ZMAT4: variants seen among roughly 807,000 people sequenced by gnomAD.
The protein encoded by ZMAT4 is zinc finger matrin-type 4.
ZMAT4 carries 17 observed loss-of-function variants against 28.7 expected under a neutral mutation model. That is an observed-to-expected ratio of 0.59 (90% confidence interval 0.41 to 0.89). The LOEUF (loss-of-function observed/expected upper bound fraction) is 0.89, where lower values mean the gene tolerates loss of function less well. Ranked by LOEUF, ZMAT4 falls within the 40% of genes least tolerant of loss-of-function variation. The pLI is 0.00. For missense variants in ZMAT4, 240 were observed against 283.8 expected (o/e 0.85, Z 1.11); for synonymous variants, 117 against 109.2 (o/e 1.07, Z -0.44).
chr8:40,609,138 C>G (rs1226543930), intron 5 of ZMAT4, among the ~76,000 whole-genome samples: 1 of 152,102 alleles, frequency 6.6e-6, no homozygotes, highest in Non-Finnish European at 1.5e-5. Context: ...CATTGCAGAC[C>G]ATACTTTAGC....
chr8:40,591,296 T>A (rs533624213), intron 5 of ZMAT4, among the ~76,000 whole-genome samples: 61 of 152,286 alleles, frequency 4.0e-4, no homozygotes, highest in African/African-American at 1.4e-3. Context: ...TGTGGAATCA[T>A]TGCTAATCTG....
intron 4 of ZMAT4, among the ~76,000 whole-genome samples, chr8:40,680,226 C>G (rs556007950): frequency 1.3e-5 from 2 of 152,096 alleles, no homozygotes; most frequent in Non-Finnish European, 2.9e-5. Flanking sequence ...AACAGGAAAC[C>G]TTTTACTCTG....
chr8:40,723,276 C>T (rs528601982), intron 3 of ZMAT4, among the ~76,000 whole-genome samples: 1 of 152,134 alleles, frequency 6.6e-6, no homozygotes, highest in East Asian at 1.9e-4. Flanking sequence ...GGCACGGTGG[C>T]TCACGCCTGT....
intron 3 of ZMAT4, among the ~76,000 whole-genome samples, chr8:40,707,300 G>A (rs1189331393): frequency 1.4e-5 from 2 of 143,014 alleles, no homozygotes; most frequent in African/African-American, 5.2e-5. Context: ...GGGCTGAAAA[G>A]GTGTCATCTC....
At chr8:40,600,520 C>T (rs550194411) in intron 5 of ZMAT4, among the ~76,000 whole-genome samples, 32 of 152,320 alleles carry the variant, frequency 2.1e-4, no homozygotes, top group African/African-American at 7.2e-4. Flanking sequence ...ACCACATGCT[C>T]AGCCTCGCCT....
At chr8:40,827,402 G>A (rs562380772) in intron 1 of ZMAT4, among the ~76,000 whole-genome samples, 1 of 152,276 alleles carries the variant, frequency 6.6e-6, no homozygotes, top group Non-Finnish European at 1.5e-5. Flanking sequence ...CCTGAACAAT[G>A]CAACAGTGAA....
At chr8:40,864,459 A>T (rs1817608004) in intron 1 of ZMAT4, among the ~76,000 whole-genome samples, 1 of 152,184 alleles carries the variant, frequency 6.6e-6, no homozygotes, top group Non-Finnish European at 1.5e-5. Context: ...AGGATGGCAC[A>T]CCTCAGGTCC....
chr8:40,707,323 C>G (rs1810405326), intron 3 of ZMAT4, among the ~76,000 whole-genome samples: 2 of 151,072 alleles, frequency 1.3e-5, no homozygotes, highest in South Asian at 4.2e-4. Context: ...ACCCCCAGCA[C>G]AGTGTTTTAT....
intron 4 of ZMAT4, among the ~76,000 whole-genome samples, chr8:40,683,111 G>A (rs1292767354): frequency 6.6e-6 from 1 of 152,142 alleles, no homozygotes; most frequent in Non-Finnish European, 1.5e-5. Flanking sequence ...CATAATAGGT[G>A]TTAAATAAAC....
intron 5 of ZMAT4, among the ~76,000 whole-genome samples, chr8:40,586,564 T>C (rs1375306600): frequency 6.6e-6 from 1 of 152,184 alleles, no homozygotes; most frequent in African/African-American, 2.4e-5. Flanking sequence ...AAAAGCTCCT[T>C]GAAGATGCAT....
chr8:40,836,182 T>C (rs1816482970), intron 1 of ZMAT4, among the ~76,000 whole-genome samples: 1 of 152,190 alleles, frequency 6.6e-6, no homozygotes, highest in Admixed American at 6.5e-5. Context: ...GGTTTGGGAA[T>C]TCAGCCACCA....
chr8:40,887,600 A>G (rs1422682850), intron 1 of ZMAT4, among the ~76,000 whole-genome samples: 3 of 152,092 alleles, frequency 2.0e-5, no homozygotes, highest in Admixed American at 2.0e-4. Flanking sequence ...TGTGTTTCCC[A>G]AAGCATGGTA....
chr8:40,549,054 G>C (rs1205129736), intron 6 of ZMAT4, among the ~76,000 whole-genome samples: 1 of 152,002 alleles, frequency 6.6e-6, no homozygotes, highest in Non-Finnish European at 1.5e-5. Flanking sequence ...GAGGTCATGA[G>C]GCCTCCACCC....
intron 4 of ZMAT4, among the ~76,000 whole-genome samples, chr8:40,681,439 GT>G (rs1325283142): frequency 6.6e-6 from 1 of 152,088 alleles, no homozygotes; most frequent in Non-Finnish European, 1.5e-5. Flanking sequence ...AAATATCACT[GT>G]TTTTTTGCAA....
At chr8:40,884,892 G>A (rs1040697565) in intron 1 of ZMAT4, 1 of 152,196 alleles carries the variant, frequency 6.6e-6, no homozygotes, top group Non-Finnish European at 1.5e-5. Context: ...CAGCAGCAAT[G>A]CTGAGTAGCT....
At chr8:40,693,397 T>C (rs1211446915) in intron 4 of ZMAT4, among the ~76,000 whole-genome samples, 1 of 152,204 alleles carries the variant, frequency 6.6e-6, no homozygotes, top group Admixed American at 6.6e-5. Flanking sequence ...ATTACAGGTA[T>C]GAGCCTGCTC....
At chr8:40,850,220 C>T (rs1817051304) in intron 1 of ZMAT4, among the ~76,000 whole-genome samples, 1 of 152,086 alleles carries the variant, frequency 6.6e-6, no homozygotes, top group Non-Finnish European at 1.5e-5. Flanking sequence ...CCTGGAAATG[C>T]TACCTAGGCA....
At chr8:40,751,307 G>A (rs553018098) in intron 3 of ZMAT4, among the ~76,000 whole-genome samples, 1 of 152,266 alleles carries the variant, frequency 6.6e-6, no homozygotes, top group South Asian at 2.1e-4. Flanking sequence ...GCCAGCATCT[G>A]CTTCTGGTGA....
chr8:40,894,672 A>G, intron 1 of ZMAT4, among the ~76,000 whole-genome samples: 1 of 152,098 alleles, frequency 6.6e-6, no homozygotes, highest in East Asian at 1.9e-4. Flanking sequence ...GAATACATGG[A>G]AATAGCGTGC....
Sources: allele counts gnomAD v4.1 joint callset (sites outside exome capture counted in the v4.1 genomes callset), GRCh38; gene constraint gnomAD v4.1.1; transcripts MANE v1.5; gene names NCBI Gene and HGNC (gene_info 2026-07-23, HGNC 2026-07-21).